Variants in SYNPO2 observed in about 807,000 individuals in gnomAD.
SYNPO2 encodes the protein synaptopodin 2.
In SYNPO2, 56 loss-of-function variants were observed where a neutral mutation model predicts 85.0. The observed-to-expected ratio is 0.66, with a 90% CI of 0.53 to 0.82. The LOEUF is 0.82. SYNPO2 is among the 40% of genes least tolerant of loss of function. The pLI is 0.00. For missense variants in SYNPO2, 1,575 were observed against 1,534.2 expected, an observed-to-expected ratio of 1.03 and a Z score of -0.44; for synonymous variants, 602 against 591.1, an observed-to-expected ratio of 1.02 and a Z score of -0.27.
At chr4:118,902,485 G>A (rs565946461) in intron 1 of SYNPO2, among the ~76,000 whole-genome samples, 41 of 152,258 alleles carry the variant, frequency 2.7e-4, no homozygotes, top group African/African-American at 9.6e-4. Flanking sequence ...CAGATCTGGT[G>A]AGACTTACTT....
At chr4:118,871,507 A>G (rs1731798842) in intron 1 of SYNPO2, among the ~76,000 whole-genome samples, 1 of 151,340 alleles carries the variant, frequency 6.6e-6, no homozygotes, top group Non-Finnish European at 1.5e-5. Flanking sequence ...GGAGATTTGG[A>G]CCTTGTCTGA....
chr4:118,959,684 T>G (rs1735002723), intron 1 of SYNPO2, among the ~76,000 whole-genome samples: 1 of 152,250 alleles, frequency 6.6e-6, no homozygotes, highest in African/African-American at 2.4e-5. Context: ...CTGCACTGCC[T>G]GGCCATACTT....
rs201479017 is a variant in SYNPO2 at position 118,929,621 on chromosome 4, AT to A, written c.105+40489del. On this transcript the variant is annotated intron_variant, in intron 1 of 4. Coordinates refer to ENST00000307142, the MANE Select transcript of SYNPO2 (RefSeq NM_133477.3). ...AGCCAAATGATTTCTCCAAATCCTC[AT>A]TTTTTTTTGTTGTACAAATAGAGTC... 2.6e-4 allele frequency among the ~76,000 whole-genome samples: 39 copies of A among 150,968 alleles called. 1 individual carries two copies. Among genetic ancestry groups the A allele is most frequent in the East Asian group, 1.9e-4 (1 of 5,172 alleles).
intron 1 of SYNPO2, among the ~76,000 whole-genome samples, chr4:118,864,418 C>T (rs970923486): frequency 5.3e-5 from 8 of 152,140 alleles, no homozygotes; most frequent in Non-Finnish European, 1.2e-4. Flanking sequence ...ATTCTGCAGC[C>T]GTTGGATGAA....
intron 1 of SYNPO2, among the ~76,000 whole-genome samples, chr4:118,897,563 T>A (rs1334683451): frequency 6.6e-6 from 1 of 152,234 alleles, no homozygotes; most frequent in Non-Finnish European, 1.5e-5. Flanking sequence ...CCTTTAATAG[T>A]ATCTTCTGGA....
intron 4 of SYNPO2, among the ~76,000 whole-genome samples, chr4:119,054,061 C>T (rs188527106): frequency 6.6e-6 from 1 of 152,216 alleles, no homozygotes; most frequent in African/African-American, 2.4e-5. Flanking sequence ...GCCAGACTTG[C>T]AACAGGGGTG....
chr4:118,859,868 G>A (rs1403045535), intron 1 of SYNPO2, among the ~76,000 whole-genome samples: 1 of 152,128 alleles, frequency 6.6e-6, no homozygotes, highest in African/African-American at 2.4e-5. Context: ...GAATAGTGCT[G>A]CAATAAACAT....
At chr4:118,917,362 G>A (rs1560861575) in intron 1 of SYNPO2, among the ~76,000 whole-genome samples, 2 of 152,096 alleles carry the variant, frequency 1.3e-5, no homozygotes, top group African/African-American at 4.8e-5. Flanking sequence ...TTGGACTCTA[G>A]CCTGGGTAAT....
At chr4:118,879,568 C>G (rs1429246038) in intron 1 of SYNPO2, among the ~76,000 whole-genome samples, 2 of 152,178 alleles carry the variant, frequency 1.3e-5, no homozygotes, top group Non-Finnish European at 2.9e-5. Context: ...GACAGTGGAC[C>G]TAGCAGCCCT....
At chr4:119,037,207 A>G in intron 4 of SYNPO2, 2 of 1,529,194 alleles carry the variant, frequency 1.3e-6, no homozygotes, top group South Asian at 1.3e-5. Flanking sequence ...AATACTCAAA[A>G]TAACAACATT....
chr4:118,868,424 A>G (rs10009552), intron 1 of SYNPO2, among the ~76,000 whole-genome samples: 41,827 of 152,070 alleles, frequency 0.28, 7,461 homozygotes, highest in African/African-American at 0.5. Flanking sequence ...AAAAATTTTT[A>G]CTTTTTTTGA....
At chr4:118,904,550 T>C (rs1456375338) in intron 1 of SYNPO2, among the ~76,000 whole-genome samples, 3 of 152,228 alleles carry the variant, frequency 2.0e-5, no homozygotes, top group Non-Finnish European at 4.4e-5. Flanking sequence ...TAAGTAAATA[T>C]AGGACACTGA....
chr4:118,892,867 C>A (rs548746829), intron 1 of SYNPO2, among the ~76,000 whole-genome samples: 4 of 152,044 alleles, frequency 2.6e-5, no homozygotes, highest in African/African-American at 7.2e-5. Context: ...TTTAATAATT[C>A]TTATCTATTA....
intron 1 of SYNPO2, among the ~76,000 whole-genome samples, chr4:118,867,467 CTT>C (rs145121607): frequency 1.4e-5 from 2 of 138,456 alleles, no homozygotes; most frequent in African/African-American, 5.3e-5. Flanking sequence ...TAGTTTCTTT[CTT>C]TTTTTTTTTT....
At chr4:118,961,310 C>T (rs1735085264) in intron 1 of SYNPO2, among the ~76,000 whole-genome samples, 1 of 152,156 alleles carries the variant, frequency 6.6e-6, no homozygotes, top group South Asian at 2.1e-4. Flanking sequence ...TCCACAGGAG[C>T]TGAGATCTGC....
chr4:118,925,078 C>T lies in SYNPO2; in HGVS notation c.105+35937C>T, dbSNP rs563627684. On this transcript the variant is annotated intron_variant, in intron 1 of 4. Transcript: ENST00000307142. Reference sequence around the variant, plus strand: ...GCACAGAAATGCACCATTAATTTCACTGTGGGGCAAGATGTAGCACTTTGC... The same window carrying T: ...GCACAGAAATGCACCATTAATTTCATTGTGGGGCAAGATGTAGCACTTTGC... 3.9e-5 allele frequency among the ~76,000 whole-genome samples: 6 copies of T among 152,246 alleles called. No individual in the cohort carries two copies. The South Asian group carries it at 1.2e-3, about 32-fold the overall frequency.
At chr4:118,941,464 G>A (rs1734310289) in intron 1 of SYNPO2, among the ~76,000 whole-genome samples, 1 of 152,134 alleles carries the variant, frequency 6.6e-6, no homozygotes, top group Non-Finnish European at 1.5e-5. Context: ...ATATTTAATG[G>A]CTTCCAATTG....
At position 119,023,494 on chromosome 4, in the gene SYNPO2, A is replaced by G. The variant is rs1737818431; in HGVS notation, c.170A>G (p.Asn57Ser). ...LCEGDEVVSI[N>S]GNPCADLTYP... ...GAGGGAGATGAAGTGGTTTCCATCA[A>G]TGGCAACCCTTGTGCAGATCTCACC... The change falls in exon 2 of 5, where the codon AAT becomes AGT. Residue 57 changes from asparagine to serine, a missense_variant. This residue lies in a region of SYNPO2 where 12 missense variants were observed against 31.9 expected (regional missense o/e 0.38). Coordinates refer to ENST00000307142, the MANE Select transcript of SYNPO2 (RefSeq NM_133477.3). 1.2e-6 allele frequency: 2 copies of G among 1,614,002 alleles called. No homozygotes were observed. Among genetic ancestry groups the G allele is most frequent in the South Asian group, 1.1e-5 (1 of 91,052 alleles).
intron 1 of SYNPO2, among the ~76,000 whole-genome samples, chr4:118,872,814 A>G (rs1218007729): frequency 6.6e-6 from 1 of 151,670 alleles, no homozygotes; most frequent in Non-Finnish European, 1.5e-5. Flanking sequence ...CTCATCATCC[A>G]CACCCTCTCA....
Sources: allele counts gnomAD v4.1 joint callset (sites outside exome capture counted in the v4.1 genomes callset), GRCh38; gene constraint gnomAD v4.1.1; regional missense constraint gnomAD v4.1.1; transcripts MANE v1.5; gene names NCBI Gene and HGNC (gene_info 2026-07-23, HGNC 2026-07-21).